NKAIN2: variants seen among roughly 807,000 people sequenced by gnomAD.
The protein encoded by NKAIN2 is sodium/potassium transporting ATPase interacting 2.
A neutral mutation model predicts 32.6 loss-of-function variants in NKAIN2; 14 were observed. The ratio of observed to expected loss-of-function variants is 0.43; its 90% CI spans 0.28 to 0.67. The LOEUF (loss-of-function observed/expected upper bound fraction) is 0.67. Ranked by LOEUF, NKAIN2 falls within the 30% of genes least tolerant of loss-of-function variation. The pLI is 0.17. For synonymous variants in NKAIN2, 80 were observed against 87.2 expected, an observed-to-expected ratio of 0.92 and a Z score of 0.46; for missense variants, 198 against 258.3, an observed-to-expected ratio of 0.77 and a Z score of 1.60.
chr6:124,480,081 C>A (rs1473770887), intron 3 of NKAIN2, among the ~76,000 whole-genome samples: 2 of 152,178 alleles, frequency 1.3e-5, no homozygotes, highest in Non-Finnish European at 2.9e-5. Flanking sequence ...TTGGGACCAT[C>A]CCCCACCTTC....
chr6:124,658,548 C>G, intron 4 of NKAIN2, 162 bp downstream of exon 4: 1 of 1,457,276 alleles, frequency 6.9e-7, no homozygotes, highest in Admixed American at 2.7e-5. Context: ...TAAACTAAAC[C>G]ATCCTCTGGA....
chr6:124,456,195 C>A (rs1272772848), intron 3 of NKAIN2, among the ~76,000 whole-genome samples: 1 of 151,674 alleles, frequency 6.6e-6, no homozygotes, highest in African/African-American at 2.4e-5. Flanking sequence ...GTTCTAATGT[C>A]AATACATACA....
chr6:123,830,358 CG>C (rs1774327453), intron 1 of NKAIN2, among the ~76,000 whole-genome samples: 1 of 152,110 alleles, frequency 6.6e-6, no homozygotes, highest in African/African-American at 2.4e-5. Flanking sequence ...TTGCTCTAGG[CG>C]TAAAGGCAAA....
chr6:124,125,522 A>G (rs163295), intron 1 of NKAIN2, among the ~76,000 whole-genome samples: 2 of 152,142 alleles, frequency 1.3e-5, no homozygotes, highest in East Asian at 1.9e-4. Context: ...TAGGGCACAA[A>G]TGATTCCCCT....
intron 1 of NKAIN2, among the ~76,000 whole-genome samples, chr6:124,124,298 C>G (rs1489318826): frequency 6.6e-6 from 1 of 152,098 alleles, no homozygotes; most frequent in Non-Finnish European, 1.5e-5. Flanking sequence ...TTTCCAGTAG[C>G]TACCTCAATA....
chr6:124,577,618 A>T (rs115405514), intron 3 of NKAIN2, among the ~76,000 whole-genome samples: 1 of 152,264 alleles, frequency 6.6e-6, no homozygotes, highest in African/African-American at 2.4e-5. Context: ...ATAAACTTGA[A>T]AGGCAGTGTA....
At chr6:124,149,733 C>T (rs188145312) in intron 1 of NKAIN2, among the ~76,000 whole-genome samples, 90 of 152,192 alleles carry the variant, frequency 5.9e-4, no homozygotes, top group Non-Finnish European at 1.1e-3. Context: ...GTACATACCC[C>T]GATTTTGTTC....
chr6:123,846,105 G>T (rs1207080890), intron 1 of NKAIN2, among the ~76,000 whole-genome samples: 1 of 152,044 alleles, frequency 6.6e-6, no homozygotes, highest in East Asian at 1.9e-4. Context: ...TAACCATGCA[G>T]GAGCTATATT....
intron 1 of NKAIN2, among the ~76,000 whole-genome samples, chr6:123,989,395 A>G (rs951330653): frequency 1.3e-5 from 2 of 152,208 alleles, no homozygotes; most frequent in Non-Finnish European, 2.9e-5. Flanking sequence ...CATTGTTATA[A>G]TGGAAAGAGT....
intron 4 of NKAIN2, among the ~76,000 whole-genome samples, chr6:124,676,245 T>A (rs755245588): frequency 1.3e-5 from 2 of 152,156 alleles, no homozygotes; most frequent in East Asian, 3.9e-4. Context: ...TGACCTAACA[T>A]GTGATTCATT....
At chr6:124,186,640 A>G (rs563694071) in intron 1 of NKAIN2, among the ~76,000 whole-genome samples, 2 of 152,328 alleles carry the variant, frequency 1.3e-5, no homozygotes, top group South Asian at 2.1e-4. Flanking sequence ...TCTATCAGAT[A>G]CCAATATATG....
intron 3 of NKAIN2, among the ~76,000 whole-genome samples, chr6:124,439,923 T>A (rs1252268972): frequency 2.0e-5 from 3 of 151,996 alleles, no homozygotes; most frequent in Non-Finnish European, 2.9e-5. Flanking sequence ...AAGATTTCTA[T>A]GCAGGAAATT....
chr6:124,678,402 A>G (rs1309959519), intron 4 of NKAIN2, among the ~76,000 whole-genome samples: 1 of 151,848 alleles, frequency 6.6e-6, no homozygotes. Flanking sequence ...AACTTTCTTC[A>G]TTCTTTTTTT....
chr6:124,670,222 C>T (rs536785011), intron 4 of NKAIN2, among the ~76,000 whole-genome samples: 11 of 152,062 alleles, frequency 7.2e-5, no homozygotes, highest in Non-Finnish European at 8.8e-5. Context: ...CTCATCCATT[C>T]GATTATAAAA....
intron 3 of NKAIN2, among the ~76,000 whole-genome samples, chr6:124,526,510 C>A (rs964185697): frequency 1.3e-5 from 2 of 151,900 alleles, no homozygotes; most frequent in Admixed American, 1.3e-4. Flanking sequence ...CAACCCCCAC[C>A]CTCAGATAGA....
intron 3 of NKAIN2, among the ~76,000 whole-genome samples, chr6:124,617,588 G>T (rs6923968): frequency 0.18 from 27,798 of 151,962 alleles, 2,686 homozygotes; most frequent in Middle Eastern, 0.24. Flanking sequence ...GTATTTCCTA[G>T]GCATACATTA....
chr6:124,490,321 C>A (rs1002640389), intron 3 of NKAIN2: 3 of 414,588 alleles, frequency 7.2e-6, no homozygotes, highest in Non-Finnish European at 1.4e-5. Context: ...AGAATGACAC[C>A]AAGTAAACAC....
At chr6:123,847,340 CAG>C (rs1491468394) in intron 1 of NKAIN2, among the ~76,000 whole-genome samples, 1 of 151,316 alleles carries the variant, frequency 6.6e-6, no homozygotes, top group African/African-American at 2.4e-5. Context: ...TTCAGCCAAA[CAG>C]AAAAAAAAGT....
intron 1 of NKAIN2, among the ~76,000 whole-genome samples, chr6:123,958,988 A>G (rs1777721892): frequency 6.6e-6 from 1 of 152,356 alleles, no homozygotes; most frequent in Admixed American, 6.5e-5. Context: ...TTTGAAACCA[A>G]TCCCAGGGAA....
Sources: gnomAD v4.1 joint callset for allele counts (sites outside exome capture counted in the v4.1 genomes callset) on GRCh38, gnomAD v4.1.1 for gene constraint, MANE v1.5 for transcripts, NCBI Gene and HGNC (gene_info 2026-07-23, HGNC 2026-07-21) for gene names.